XKR9: variants seen among roughly 807,000 people sequenced by gnomAD.
XKR9 encodes XK related 9.
A neutral mutation model predicts 32.0 loss-of-function variants in XKR9; 32 were observed. The ratio of observed to expected loss-of-function variants is 1.00; its 90% confidence interval spans 0.76 to 1.34. The LOEUF (loss-of-function observed/expected upper bound fraction) is 1.34. XKR9 is among the 40% of genes most tolerant of loss of function. The pLI, the probability that XKR9 is intolerant of heterozygous loss-of-function variation, is 0.00. For missense variants in XKR9, 546 were observed against 429.7 expected, an observed-to-expected ratio of 1.27 and a Z score of -2.39; for synonymous variants, 168 against 143.4, an observed-to-expected ratio of 1.17 and a Z score of -1.22.
At chr8:70,716,724 C>G (rs1480392303) in intron 4 of XKR9, among the ~76,000 whole-genome samples, 1 of 152,132 alleles carries the variant, frequency 6.6e-6, no homozygotes, top group East Asian at 1.9e-4. Context: ...CAGCCCCTCC[C>G]AAATCTCATG....
At chr8:70,740,946 C>T (rs1302647835) in intron 2 of XKR9, among the ~76,000 whole-genome samples, 2 of 152,220 alleles carry the variant, frequency 1.3e-5, no homozygotes, top group Admixed American at 6.5e-5. Flanking sequence ...GGCAGTCTGC[C>T]CGTTCTGAGA....
the XKR9 span, among the ~76,000 whole-genome samples, chr8:70,828,027 C>G: frequency 6.6e-6 from 1 of 152,090 alleles, no homozygotes; most frequent in Admixed American, 6.6e-5. Context: ...ACAAGAATTT[C>G]ATTATTAACA....
the XKR9 span, among the ~76,000 whole-genome samples, chr8:70,918,754 T>C: frequency 7.1e-6 from 1 of 141,046 alleles, no homozygotes; most frequent in Non-Finnish European, 1.5e-5. Context: ...GGCATCCAAA[T>C]AGATCATGGG....
chr8:71,062,928 G>A, the XKR9 span, among the ~76,000 whole-genome samples: 1 of 152,102 alleles, frequency 6.6e-6, no homozygotes, highest in Admixed American at 6.6e-5. Context: ...CGGCCCCTCT[G>A]TATTCGAGCT....
chr8:70,835,931 A>C, the XKR9 span, among the ~76,000 whole-genome samples: 2 of 152,074 alleles, frequency 1.3e-5, no homozygotes, highest in Admixed American at 1.3e-4. Context: ...CTATTCATTC[A>C]TCTAAAGAAA....
the XKR9 span, among the ~76,000 whole-genome samples, chr8:70,879,522 A>G: frequency 3.3e-5 from 5 of 152,222 alleles, no homozygotes; most frequent in Admixed American, 6.5e-5. Flanking sequence ...AGAGAATACT[A>G]TAAACACCTT....
chr8:70,958,709 T>C, the XKR9 span, among the ~76,000 whole-genome samples: 1 of 152,324 alleles, frequency 6.6e-6, no homozygotes, highest in Admixed American at 6.5e-5. Context: ...TTAGATCCCA[T>C]TTGTCATTTT....
the XKR9 span, among the ~76,000 whole-genome samples, chr8:70,862,317 C>T: frequency 2.0e-5 from 3 of 151,962 alleles, no homozygotes; most frequent in African/African-American, 7.3e-5. Flanking sequence ...TCTTATAAGT[C>T]GCTGGTGCCT....
chr8:71,048,035 CT>C, the XKR9 span, among the ~76,000 whole-genome samples: 2 of 152,098 alleles, frequency 1.3e-5, no homozygotes, highest in Non-Finnish European at 2.9e-5. Flanking sequence ...CTGTCAGTGC[CT>C]TCTAGAATGG....
At chr8:70,981,561 A>G in the XKR9 span, among the ~76,000 whole-genome samples, 1 of 151,600 alleles carries the variant, frequency 6.6e-6, no homozygotes, top group South Asian at 2.1e-4. Context: ...CATGTTTTTG[A>G]TTTCTTTAAG....
intron 3 of XKR9, among the ~76,000 whole-genome samples, chr8:70,687,538 T>G (rs1225706402): frequency 6.6e-6 from 1 of 151,932 alleles, no homozygotes; most frequent in Non-Finnish European, 1.5e-5. Flanking sequence ...TCTGGCTAAT[T>G]TTTTATTTTT....
the XKR9 span, among the ~76,000 whole-genome samples, chr8:70,943,901 A>G: frequency 1.3e-5 from 2 of 152,276 alleles, 1 homozygote; most frequent in South Asian, 4.1e-4. Flanking sequence ...AAATATTTTT[A>G]GTAAAGTTAT....
At chr8:70,911,504 A>G in the XKR9 span, among the ~76,000 whole-genome samples, 6 of 152,338 alleles carry the variant, frequency 3.9e-5, no homozygotes, top group South Asian at 1.2e-3. Flanking sequence ...AAAATAATGG[A>G]AAAGTTGGAA....
At chr8:70,803,081 G>C in the XKR9 span, among the ~76,000 whole-genome samples, 1 of 151,968 alleles carries the variant, frequency 6.6e-6, no homozygotes, top group Non-Finnish European at 1.5e-5. Flanking sequence ...TCTCTTTTAG[G>C]GTTGACAGTA....
intron 4 of XKR9, among the ~76,000 whole-genome samples, chr8:70,722,902 C>G (rs1325987541): frequency 6.6e-6 from 1 of 151,768 alleles, no homozygotes; most frequent in Admixed American, 6.6e-5. Flanking sequence ...TTTTACTTTG[C>G]TTCCATTCTC....
intron 4 of XKR9, among the ~76,000 whole-genome samples, chr8:70,709,190 AC>A (rs1805823221): frequency 6.6e-6 from 1 of 152,176 alleles, no homozygotes; most frequent in Admixed American, 6.5e-5. Flanking sequence ...AAAAATAAAA[AC>A]CACATGATCA....
chr8:71,012,578 C>T, the XKR9 span, among the ~76,000 whole-genome samples: 3 of 152,172 alleles, frequency 2.0e-5, no homozygotes, highest in Admixed American at 6.5e-5. Flanking sequence ...TTAGCTCTTA[C>T]CCCAATTCAG....
the XKR9 span, among the ~76,000 whole-genome samples, chr8:71,049,805 AG>A: frequency 6.6e-5 from 10 of 152,166 alleles, no homozygotes; most frequent in African/African-American, 2.4e-4. Context: ...GAAAAATGGG[AG>A]GGCCTCCCAG....
At chr8:70,883,669 T>C in the XKR9 span, among the ~76,000 whole-genome samples, 1 of 152,302 alleles carries the variant, frequency 6.6e-6, no homozygotes, top group African/African-American at 2.4e-5. Context: ...TTCTTTCACT[T>C]AGCTATATGA....
Sources: gnomAD v4.1 joint callset for allele counts (sites outside exome capture counted in the v4.1 genomes callset) on GRCh38, gnomAD v4.1.1 for gene constraint, MANE v1.5 for transcripts, NCBI Gene and HGNC (gene_info 2026-07-23, HGNC 2026-07-21) for gene names.